The following SHANK2 variants were observed in gnomAD, a reference collection of about 807,000 sequenced individuals.
The protein encoded by SHANK2 is SH3 and multiple ankyrin repeat domains 2.
Under a neutral mutation model 133.7 loss-of-function variants are expected in SHANK2, and 43 were observed. That is an observed-to-expected ratio of 0.32 (90% CI 0.25 to 0.41). SHANK2 has a LOEUF of 0.41. Ranked by LOEUF, SHANK2 falls within the 10% of genes least tolerant of loss-of-function variation. SHANK2 has a pLI of 1.00. For missense variants in SHANK2, 1,994 were observed against 2,235.8 expected (o/e 0.89, Z 2.18); for synonymous variants, 1,017 against 952.8 (o/e 1.07, Z -1.24).
chr11:71,076,547 C>A (rs1951222944), intron 8 of SHANK2, among the ~76,000 whole-genome samples: 1 of 150,514 alleles, frequency 6.6e-6, no homozygotes. Flanking sequence ...AAAAAAAAAC[C>A]ACACACACAC....
intron 17 of SHANK2, among the ~76,000 whole-genome samples, chr11:70,537,914 C>T (rs1214960867): frequency 1.3e-5 from 2 of 152,184 alleles, no homozygotes; most frequent in Non-Finnish European, 2.9e-5. Flanking sequence ...GGCACGTGCC[C>T]TGAGGAACTC....
At chr11:71,120,056 C>T (rs4075045) in intron 3 of SHANK2, among the ~76,000 whole-genome samples, 7,478 of 152,230 alleles carry the variant, frequency 0.049, 558 homozygotes, top group African/African-American at 0.17. Context: ...GATGGAAAAT[C>T]AAATCAGTTG....
chr11:70,641,868 C>G (rs2134160004), intron 17 of SHANK2, among the ~76,000 whole-genome samples: 1 of 152,136 alleles, frequency 6.6e-6, no homozygotes, highest in Admixed American at 6.5e-5. Context: ...TGTGGGCAGT[C>G]CAGCGGGCAG....
rs574030989 is a variant in SHANK2 at position 70,699,845 on chromosome 11, C to T, written c.1778-1082G>A. On this transcript the variant is annotated intron_variant, in intron 14 of 25. Coordinates refer to ENST00000601538, the MANE Select transcript of SHANK2 (RefSeq NM_012309.5). ...TGAGCCCAGGACTACATTTCCCAGC[C>T]TCCCTTGAACCCAGATGTGGCCACG... 2.8e-4 allele frequency among the ~76,000 whole-genome samples: 42 copies of T among 152,348 alleles called. 2 individuals carry two copies. The South Asian group carries it at 8.5e-3, about 31-fold the overall frequency.
intron 2 of SHANK2, among the ~76,000 whole-genome samples, chr11:71,182,925 G>C (rs1400505366): frequency 2.0e-5 from 3 of 152,294 alleles, no homozygotes; most frequent in African/African-American, 7.2e-5. Flanking sequence ...ATCACAGTGT[G>C]GGAATCAGGG....
In SHANK2 at chr11:70,485,201, G is replaced by A. The variant is rs2058783643; in HGVS notation, c.4979+113C>T. 3 of 886,788 alleles carry A rather than the reference G, an allele frequency of 3.4e-6. No individual in the cohort carries two copies. The highest frequency in any genetic ancestry group is 2.7e-5 in the South Asian group (2 of 72,782). 54.9% of individuals were successfully genotyped at this position (886,788 alleles called of 1,614,324 possible). A position where few individuals can be genotyped will look rare whatever the true frequency, so the allele number is the denominator to read the frequency against. On this transcript the variant is annotated intron_variant, in intron 25 of 25. Coordinates refer to ENST00000601538, the MANE Select transcript of SHANK2 (RefSeq NM_012309.5). The surrounding 1 kb of genome is among the most constrained non-coding windows in gnomAD (Gnocchi z 5.8). ...GCATTAACAGACGTGGCCCACACAG[G>A]CTTTACGAATTCCCCTCTTCGTGTC...
chr11:70,536,104 C>G (rs1289493266), intron 17 of SHANK2, among the ~76,000 whole-genome samples: 1 of 152,208 alleles, frequency 6.6e-6, no homozygotes, highest in Non-Finnish European at 1.5e-5. Context: ...TGCCTGCCCC[C>G]TGGGGGCCCT....
intron 14 of SHANK2, 122 bp downstream of exon 14, chr11:70,798,321 G>T: frequency 1.5e-6 from 1 of 679,292 alleles, no homozygotes; most frequent in South Asian, 1.5e-5. Flanking sequence ...AGAAAGTCCT[G>T]AATTCGCAAC....
chr11:70,720,303 A>G (rs1184106487), intron 14 of SHANK2, among the ~76,000 whole-genome samples: 2 of 152,196 alleles, frequency 1.3e-5, no homozygotes, highest in Non-Finnish European at 2.9e-5. Context: ...TTATCACAAA[A>G]TGGATGTGAT....
chr11:71,203,458 G>C (rs1418871445), intron 2 of SHANK2, among the ~76,000 whole-genome samples: 3 of 152,114 alleles, frequency 2.0e-5, no homozygotes, highest in Non-Finnish European at 2.9e-5. Flanking sequence ...AACTCAGCAG[G>C]CCTGGGTTGT....
At chr11:70,612,396 AG>A (rs1439007386) in intron 17 of SHANK2, among the ~76,000 whole-genome samples, 7 of 152,186 alleles carry the variant, frequency 4.6e-5, no homozygotes, top group African/African-American at 1.7e-4. Context: ...GTACAGCTGC[AG>A]GCGAAGGCAT....
chr11:71,250,704 T>C (rs548082037), intron 1 of SHANK2, among the ~76,000 whole-genome samples: 1 of 152,272 alleles, frequency 6.6e-6, no homozygotes, highest in Non-Finnish European at 1.5e-5. Flanking sequence ...GCTCGGTTCC[T>C]AGTGCACAGA....
intron 9 of SHANK2, among the ~76,000 whole-genome samples, chr11:71,067,691 A>G (rs1951083279): frequency 6.6e-6 from 1 of 151,996 alleles, no homozygotes; most frequent in African/African-American, 2.4e-5. Context: ...CAGCATCACC[A>G]TCATCATCAT....
chr11:70,471,703 G>T lies in SHANK2; in HGVS notation c.*1166C>A. ...TTCCTAGACACCCAGAGCGATAGGG[G>T]AAAAGCCTCTAAGTACCATCTTCCC... On this transcript the variant is annotated 3_prime_UTR_variant, in exon 26 of 26. Coordinates refer to ENST00000601538, the MANE Select transcript of SHANK2 (RefSeq NM_012309.5). This position sits in a 1 kb window ranked among gnomAD's most constrained non-coding sequence, Gnocchi z 4.1. 3.4e-6 allele frequency: 1 copy of T among 291,684 alleles called. No individual in the cohort carries two copies. The highest frequency in any genetic ancestry group is 5.5e-5 in the East Asian group (1 of 18,156). The allele number at this position is 291,684 out of a possible 1,614,324, so 18.1% of individuals were successfully genotyped here.
At chr11:71,229,765 G>GAAAAAAAAAAA (rs55730780) in intron 1 of SHANK2, among the ~76,000 whole-genome samples, 71 of 116,176 alleles carry the variant, frequency 6.1e-4, no homozygotes, top group Non-Finnish European at 8.6e-4. Context: ...TCTCAAAAAA[G>GAAAAAAAAAAA]AAAAAAAAAA....
chr11:70,864,254 T>A (rs931672797), intron 11 of SHANK2: 1 of 164,918 alleles, frequency 6.1e-6, no homozygotes, highest in Non-Finnish European at 1.3e-5. Context: ...AAATTGGAGG[T>A]GGGTAGTGAG....
At chr11:71,134,615 T>G (rs1256079385) in intron 3 of SHANK2, among the ~76,000 whole-genome samples, 1 of 151,938 alleles carries the variant, frequency 6.6e-6, no homozygotes, top group Non-Finnish European at 1.5e-5. Context: ...AATTTTTGTA[T>G]CTTTAGTAGA....
chr11:70,782,096 G>T (rs936400730), intron 14 of SHANK2, among the ~76,000 whole-genome samples: 1 of 152,156 alleles, frequency 6.6e-6, no homozygotes, highest in Non-Finnish European at 1.5e-5. Flanking sequence ...GAGACAGTCC[G>T]CTCTGTTGCC....
chr11:71,155,340 C>T (rs541129487), intron 2 of SHANK2, among the ~76,000 whole-genome samples: 84 of 142,682 alleles, frequency 5.9e-4, no homozygotes, highest in African/African-American at 2.2e-3. Flanking sequence ...CCAGCCCACG[C>T]TCCCAGAGAG....
Sources: allele counts gnomAD v4.1 joint callset (sites outside exome capture counted in the v4.1 genomes callset), GRCh38; gene constraint gnomAD v4.1.1; non-coding constraint Gnocchi (gnomAD v3.1); transcripts MANE v1.5; gene names NCBI Gene and HGNC (gene_info 2026-07-23, HGNC 2026-07-21).